The following TMEM14B variants were observed in gnomAD, a reference collection of about 807,000 sequenced individuals.
TMEM14B encodes transmembrane protein 14B.
Under a neutral mutation model 14.8 loss-of-function variants are expected in TMEM14B, and 9 were observed. The observed-to-expected ratio is 0.61, with a 90% CI of 0.37 to 1.06. TMEM14B has a LOEUF of 1.06. Among genes scored for constraint, TMEM14B ranks in the 50% least tolerant of loss-of-function variants. The pLI is 0.01. For synonymous variants in TMEM14B, 40 were observed against 51.3 expected (o/e 0.78, Z 0.94); for missense variants, 128 against 143.6 (o/e 0.89, Z 0.56).
intron 3 of TMEM14B, chr6:10,749,964 TTGAC>T (rs1771483770): frequency 7.8e-6 from 4 of 510,052 alleles, no homozygotes; most frequent in South Asian, 2.1e-5. Flanking sequence ...GTTATTATCA[TTGAC>T]TGCCATTCAT....
rs754222551 is a variant in TMEM14B, at chr6:10,751,218, C to T, written c.186C>T (p.Asn62=). ...GAYQLYQDPR[N]VWGFLAATSV... is the part of the protein sequence containing the mutation. ...ACCAGCTGTATCAGGATCCAAGGAA[C>T]GTTTGGGGTTTCCTAGGTATGTCTG... Residue 62 remains asparagine, a synonymous_variant, in exon 4 of 6, where the codon AAC becomes AAT. Transcript: ENST00000379542. 42 of 1,613,706 alleles carry T rather than the reference C, an allele frequency of 2.6e-5. No homozygotes were observed. Among genetic ancestry groups the T allele is most frequent in the African/African-American group, 4.0e-5 (3 of 74,752 alleles).
At position 10,749,631 on chromosome 6, in the gene TMEM14B, G is replaced by T; in HGVS notation, c.33G>T (p.Leu11Phe). Residue 11 changes from leucine (L) to phenylalanine (F), a missense_variant, in exon 3 of 6, where the codon TTG (leucine) becomes TTT (phenylalanine). Leu to Phe is a conservative substitution (Grantham distance 22). Transcript: ENST00000379542. MEKPLFPLVP[L>F]HWFGFGYTAL... ...TCTCTTGTGTTTTCAGAGTGCCTTT[G>T]CATTGGTTTGGCTTTGGCTACACAG... is the stretch of plus-strand genomic sequence containing the variant. 6.2e-7 allele frequency: 1 copy of T among 1,614,242 alleles called. No homozygotes were observed. Among genetic ancestry groups the T allele is most frequent in the East Asian group, 2.2e-5 (1 of 44,896 alleles).
chr6:10,749,997 G>A, intron 3 of TMEM14B: 1 of 438,468 alleles, frequency 2.3e-6, no homozygotes, highest in Non-Finnish European at 4.2e-6. Flanking sequence ...ACCCCCAAGT[G>A]CCATCTCTGG....
intron 1 of TMEM14B, among the ~76,000 whole-genome samples, chr6:10,748,479 C>G (rs1771416491): frequency 6.6e-6 from 1 of 152,110 alleles, no homozygotes; most frequent in African/African-American, 2.4e-5. Flanking sequence ...TCTCGAACTC[C>G]TAACCTCAGG....
At chr6:10,757,325 A>T (rs1361982693), downstream of TMEM14B, among the ~76,000 whole-genome samples, 1 of 151,792 alleles carries the variant, frequency 6.6e-6, no homozygotes, top group East Asian at 1.9e-4. Flanking sequence ...CACCTCGCTA[A>T]TTTATTTTAT....
At chr6:10,749,290 A>G (rs1771458577) in intron 2 of TMEM14B, 22 bp downstream of exon 2, 1 of 1,614,010 alleles carries the variant, frequency 6.2e-7, no homozygotes. Context: ...GTAAATGGTT[A>G]GAGAGTAGCC....
Position 10,751,930 on chromosome 6 carries a change from T to A in TMEM14B, c.202+696T>A, listed in dbSNP as rs371892349. ...GTACATTTCTGTGGAGCTCCACCCA[T>A]GTGTCAGACACTGCTATGAGTGTGG... On this transcript the variant is annotated intron_variant, in intron 4 of 5. Coordinates refer to ENST00000379542, the MANE Select transcript of TMEM14B (RefSeq NM_030969.5). Among the ~76,000 whole-genome samples, 76 of 152,048 alleles carry A rather than the reference T, an allele frequency of 5.0e-4. No individual in the cohort carries two copies. The South Asian group carries it at 0.014, about 28-fold the overall frequency.
chr6:10,756,679 T>C lies in TMEM14B; in HGVS notation c.*161T>C, dbSNP rs556433287. 122 of 1,395,388 alleles carry C rather than the reference T, an allele frequency of 8.7e-5. 4 individuals carry two copies. In the South Asian group the frequency reaches 1.8e-3, roughly 21 times the overall value. 86.4% of individuals were successfully genotyped at this position (1,395,388 alleles called of 1,614,324 possible). ...GGCGGAGGGGTGGAAAATCAGTTGT[T>C]ACCATTATAACCCTACAGAGGTGGT... is the stretch of plus-strand genomic sequence containing the variant. On this transcript the variant is annotated 3_prime_UTR_variant, in exon 6 of 6. Coordinates refer to ENST00000379542, the MANE Select transcript of TMEM14B (RefSeq NM_030969.5).
At chr6:10,748,406 C>T (rs1436034526) in intron 1 of TMEM14B, among the ~76,000 whole-genome samples, 3 of 132,108 alleles carry the variant, frequency 2.3e-5, no homozygotes, top group Non-Finnish European at 3.2e-5. Context: ...CCATCATGCC[C>T]GATTTGTGTG....
chr6:10,751,930 T>C (rs371892349), intron 4 of TMEM14B, among the ~76,000 whole-genome samples: 1 of 151,930 alleles, frequency 6.6e-6, no homozygotes, highest in Non-Finnish European at 1.5e-5. Flanking sequence ...GCTCCACCCA[T>C]GTGTCAGACA....
intron 5 of TMEM14B, chr6:10,755,462 C>T: frequency 1.4e-6 from 2 of 1,434,024 alleles, no homozygotes; most frequent in East Asian, 5.0e-5. Context: ...GTCCTAGCTC[C>T]TTCCTATATG....
At chr6:10,754,777 G>T (rs1581615507) in intron 4 of TMEM14B, among the ~76,000 whole-genome samples, 1 of 152,326 alleles carries the variant, frequency 6.6e-6, no homozygotes, top group Non-Finnish European at 1.5e-5. Context: ...ATACCCAGTG[G>T]GAATTGCATG....
At chr6:10,751,062 A>T in intron 3 of TMEM14B, 71 bp from the exon 4 acceptor site, 1 of 1,579,564 alleles carries the variant, frequency 6.3e-7, no homozygotes, top group Non-Finnish European at 8.7e-7. Context: ...GTAGGGCAGG[A>T]GGTCTGGTGG....
chr6:10,758,805 T>G (rs1208705331), downstream of TMEM14B: 1 of 152,112 alleles, frequency 6.6e-6, no homozygotes, highest in African/African-American at 2.4e-5. Flanking sequence ...AATTCATAGG[T>G]AAGGACGGGG....
chr6:10,748,532 C>G (rs1771420275), intron 1 of TMEM14B, among the ~76,000 whole-genome samples: 1 of 152,138 alleles, frequency 6.6e-6, no homozygotes, highest in African/African-American at 2.4e-5. Flanking sequence ...GGATTACAGG[C>G]GTGAGCCACT....
At chr6:10,759,447 A>G (rs535120346), downstream of TMEM14B, 1 of 152,290 alleles carries the variant, frequency 6.6e-6, no homozygotes, top group Admixed American at 6.5e-5. Context: ...CCCCGTGAAC[A>G]TGTGCAAAGG....
downstream of TMEM14B, chr6:10,759,689 C>A (rs1364515546): frequency 6.6e-6 from 1 of 152,184 alleles, no homozygotes; most frequent in Non-Finnish European, 1.5e-5. Context: ...CAGCTGTTCA[C>A]CTCTGCCTTT....
intron 1 of TMEM14B, among the ~76,000 whole-genome samples, chr6:10,748,247 T>A (rs950547770): frequency 8.6e-5 from 13 of 152,030 alleles, no homozygotes; most frequent in African/African-American, 3.1e-4. Flanking sequence ...ATTAATTCTT[T>A]CTTTTTTTGG....
rs186636183 is a variant in TMEM14B at position 10,748,136 on chromosome 6, G to C, written c.-45+255G>C. On this transcript the variant is annotated intron_variant, in intron 1 of 5. Transcript: ENST00000379542. ...TGTTGCCTCGTTTCCTGGTGGTTTTGTTGCTCCAGCTCTTTAAAAGCCTCC... is the reference window on the plus strand; with the variant it reads ...TGTTGCCTCGTTTCCTGGTGGTTTTCTTGCTCCAGCTCTTTAAAAGCCTCC... 6.2e-3 allele frequency among the ~76,000 whole-genome samples: 940 copies of C among 152,264 alleles called. 9 individuals are homozygous for C. The highest frequency in any genetic ancestry group is 0.021 in the African/African-American group (873 of 41,530).
Sources: gnomAD v4.1 joint callset for allele counts (sites outside exome capture counted in the v4.1 genomes callset) on GRCh38, gnomAD v4.1.1 for gene constraint, MANE v1.5 for transcripts, NCBI Gene and HGNC (gene_info 2026-07-23, HGNC 2026-07-21) for gene names.